TPRG1: variants seen among roughly 807,000 people sequenced by gnomAD.
TPRG1 encodes tumor protein p63-regulated gene 1 protein.
Under a neutral mutation model 29.3 loss-of-function variants are expected in TPRG1, and 29 were observed. That is an observed-to-expected ratio of 0.99 (90% CI 0.74 to 1.35). TPRG1 has a LOEUF of 1.35. Ranked by LOEUF, TPRG1 falls within the 40% of genes most tolerant of loss-of-function variation. TPRG1 has a pLI of 0.00. For missense variants in TPRG1, 327 were observed against 335.0 expected, an observed-to-expected ratio of 0.98 and a Z score of 0.19; for synonymous variants, 130 against 116.8, an observed-to-expected ratio of 1.11 and a Z score of -0.73.
In TPRG1 at chr3:189,299,056, G is replaced by T. The variant is rs1460849038; in HGVS notation, c.480-11330G>T. Among the ~76,000 whole-genome samples the T allele has an allele frequency of 7.5e-5, 8 of 106,974 alleles. No homozygotes were observed. In the South Asian group the frequency reaches 7.6e-4, roughly 10 times the overall value. 70.2% of individuals were successfully genotyped at this position (106,974 alleles called of 152,430 possible). A position where few individuals can be genotyped will look rare whatever the true frequency, so the allele number is the denominator to read the frequency against. On this transcript the variant is annotated intron_variant, in intron 4 of 5. Coordinates refer to ENST00000345063, the MANE Select transcript of TPRG1 (RefSeq NM_198485.4). ...GGAAACAGGAGATTTAGAAAAATGG[G>T]TTTTTTTTTTTTCTGAGAATTTTTT...
chr3:189,151,119 G>T (rs1725884483), intron 5 of TPRG1: 1 of 152,176 alleles, frequency 6.6e-6, no homozygotes, highest in Admixed American at 6.5e-5. Context: ...ATTAATAAAA[G>T]TTCAGTGCTG....
At chr3:189,039,669 A>C (rs1452221053) in intron 4 of TPRG1, among the ~76,000 whole-genome samples, 1 of 152,218 alleles carries the variant, frequency 6.6e-6, no homozygotes, top group African/African-American at 2.4e-5. Context: ...ATTGAAAACC[A>C]CAAAGTTTTT....
intron 4 of TPRG1, among the ~76,000 whole-genome samples, chr3:189,293,345 G>A (rs1014241975): frequency 6.6e-6 from 1 of 152,108 alleles, no homozygotes; most frequent in Non-Finnish European, 1.5e-5. Flanking sequence ...TGCCTGCAGG[G>A]CTAGCCACTT....
chr3:189,038,321 T>C (rs939863646), intron 4 of TPRG1, among the ~76,000 whole-genome samples: 1 of 152,128 alleles, frequency 6.6e-6, no homozygotes, highest in Non-Finnish European at 1.5e-5. Flanking sequence ...TTAAAAATAA[T>C]GTCCTCTTTT....
intron 3 of TPRG1, among the ~76,000 whole-genome samples, chr3:189,015,990 A>T (rs1712911919): frequency 6.6e-6 from 1 of 152,136 alleles, no homozygotes; most frequent in Admixed American, 6.5e-5. Flanking sequence ...GAGCTGTGAG[A>T]AGAAGGCTAC....
chr3:188,998,382 G>A lies in TPRG1; in HGVS notation c.-1015-2392G>A, dbSNP rs146434272. Among the ~76,000 whole-genome samples the A allele has an allele frequency of 5.0e-4, 76 of 152,246 alleles. No homozygotes were observed. In the East Asian group the frequency reaches 0.013, roughly 27 times the overall value. Reference sequence around the variant, plus strand: ...AAGTTCCCCAAATGGGAGACAGCTGGACTTGTTTAAGACACAAGGCCAGTA... The same window carrying A: ...AAGTTCCCCAAATGGGAGACAGCTGAACTTGTTTAAGACACAAGGCCAGTA... On this transcript the variant is annotated intron_variant, in intron 1 of 10. Transcript: ENST00000433971.
At chr3:189,095,699 C>A (rs146289910), upstream of TPRG1, among the ~76,000 whole-genome samples, 1 of 152,126 alleles carries the variant, frequency 6.6e-6, no homozygotes, top group African/African-American at 2.4e-5. Context: ...TAAGTCTCTG[C>A]GGGCAAAAAC....
At chr3:189,101,503 T>C (rs1414517746) in intron 1 of TPRG1, among the ~76,000 whole-genome samples, 1 of 152,170 alleles carries the variant, frequency 6.6e-6, no homozygotes, top group Admixed American at 6.5e-5. Flanking sequence ...ACCATGGACC[T>C]CTTAATTTCT....
intron 3 of TPRG1, chr3:189,219,834 C>A: frequency 2.3e-6 from 2 of 870,974 alleles, no homozygotes; most frequent in Non-Finnish European, 2.8e-6. Context: ...AATTCTTGTT[C>A]TTCATCTTTA....
chr3:189,147,482 G>A (rs1176930315), intron 3 of TPRG1: 2 of 152,218 alleles, frequency 1.3e-5, no homozygotes, highest in Non-Finnish European at 2.9e-5. Context: ...CCATGTCGGA[G>A]GCAGAAAAGA....
chr3:189,165,098 G>C (rs1190608840), intron 5 of TPRG1, among the ~76,000 whole-genome samples: 1 of 152,146 alleles, frequency 6.6e-6, no homozygotes, highest in Non-Finnish European at 1.5e-5. Flanking sequence ...GTCAGCAAGA[G>C]TACAGATATC....
At chr3:189,195,816 G>T (rs1039566863) in intron 1 of TPRG1, among the ~76,000 whole-genome samples, 10 of 152,178 alleles carry the variant, frequency 6.6e-5, no homozygotes. Context: ...TTAAGGGATG[G>T]AGTGGTAGAG....
At chr3:189,309,750 T>C (rs536648603) in intron 4 of TPRG1, 97 of 152,378 alleles carry the variant, frequency 6.4e-4, no homozygotes, top group African/African-American at 2.3e-3. Flanking sequence ...CTCCCACATC[T>C]TGTGGATTAA....
intron 4 of TPRG1, among the ~76,000 whole-genome samples, chr3:189,057,224 G>T (rs1715757671): frequency 6.6e-6 from 1 of 152,272 alleles, no homozygotes; most frequent in Middle Eastern, 3.4e-3. Context: ...TGGGCTTATG[G>T]CTTGTGTTGC....
At chr3:189,243,134 G>A (rs939693303) in intron 4 of TPRG1, among the ~76,000 whole-genome samples, 6 of 152,164 alleles carry the variant, frequency 3.9e-5, no homozygotes, top group African/African-American at 1.4e-4. Flanking sequence ...GGTTATACAG[G>A]AAGCATAATG....
chr3:189,013,555 G>A (rs1276360311), intron 3 of TPRG1, among the ~76,000 whole-genome samples: 1 of 152,168 alleles, frequency 6.6e-6, no homozygotes, highest in Non-Finnish European at 1.5e-5. Context: ...CCAGAGCTGA[G>A]TTCAGGTCCT....
rs771038901 is a variant in TPRG1 at position 189,207,528 on chromosome 3, C to T, written c.144C>T (p.Thr48=). 13 of 1,613,932 alleles carry T rather than the reference C, an allele frequency of 8.1e-6. No individual in the cohort carries two copies. Among genetic ancestry groups the T allele is most frequent in the Middle Eastern group, 3.3e-4 (2 of 6,060 alleles). The stretch of plus-strand genomic sequence containing the variant: ...AGATTTCAAGGCAGTCAAGTGTGAC[C>T]GAATCAACTCTTTACCCCAATCCTT... ...PRQISRQSSV[T]ESTLYPNPYH... Residue 48 remains threonine (T), a synonymous_variant, in exon 2 of 6, where the codon ACC becomes ACT. Transcript: ENST00000345063.
At chr3:189,206,296 G>A (rs1246377366) in intron 1 of TPRG1, among the ~76,000 whole-genome samples, 1 of 151,286 alleles carries the variant, frequency 6.6e-6, no homozygotes, top group Non-Finnish European at 1.5e-5. Flanking sequence ...TGATAACATT[G>A]TATTTACAGT....
At chr3:189,074,199 C>CTTTTTT (rs554150288) in intron 4 of TPRG1, among the ~76,000 whole-genome samples, 60 of 68,076 alleles carry the variant, frequency 8.8e-4, no homozygotes, top group Admixed American at 1.2e-3. Flanking sequence ...AATTATTTTC[C>CTTTTTT]TTTTTTTTTT....
Sources: allele counts gnomAD v4.1 joint callset (sites outside exome capture counted in the v4.1 genomes callset), GRCh38; gene constraint gnomAD v4.1.1; transcripts MANE v1.5; gene names NCBI Gene and HGNC (gene_info 2026-07-23, HGNC 2026-07-21).